Variants in ERCC6L2 observed in about 807,000 individuals in gnomAD.
ERCC6L2 encodes DNA excision repair protein ERCC-6-like 2.
Under a neutral mutation model 132.0 loss-of-function variants are expected in ERCC6L2, and 77 were observed. That is an observed-to-expected ratio of 0.58 (90% CI 0.49 to 0.71). The LOEUF (loss-of-function observed/expected upper bound fraction) is 0.71, where lower values mean the gene tolerates loss of function less well. ERCC6L2 is among the 30% of genes least tolerant of loss of function. The pLI is 0.00. For synonymous variants in ERCC6L2, 583 were observed against 632.4 expected, an observed-to-expected ratio of 0.92 and a Z score of 1.17; for missense variants, 1,542 against 1,837.6, an observed-to-expected ratio of 0.84 and a Z score of 2.94.
intron 11 of ERCC6L2, among the ~76,000 whole-genome samples, chr9:95,933,615 C>T (rs115929038): frequency 9.1e-4 from 138 of 152,220 alleles, no homozygotes; most frequent in Middle Eastern, 3.4e-3. Flanking sequence ...AAGGCCAAAA[C>T]GGATGGATCA....
intron 16 of ERCC6L2, among the ~76,000 whole-genome samples, chr9:95,973,880 A>G (rs1832544594): frequency 6.6e-6 from 1 of 152,176 alleles, no homozygotes; most frequent in Admixed American, 6.5e-5. Context: ...TAACTATGGA[A>G]GTACCTGGAC....
chr9:95,968,126 C>G (rs950913374), intron 14 of ERCC6L2: 2 of 152,088 alleles, frequency 1.3e-5, no homozygotes, highest in African/African-American at 4.8e-5. Flanking sequence ...AAGCAAGAGA[C>G]TTGTCTCAAA....
chr9:96,032,725 G>C (rs1043768052), intron 19 of ERCC6L2, among the ~76,000 whole-genome samples: 36 of 152,332 alleles, frequency 2.4e-4, no homozygotes, highest in African/African-American at 8.7e-4. Flanking sequence ...GCTTATGTGG[G>C]CCTAGAACGC....
At chr9:96,026,790 A>AG (rs2133258554) in intron 19 of ERCC6L2, among the ~76,000 whole-genome samples, 1 of 105,808 alleles carries the variant, frequency 9.5e-6, no homozygotes, top group African/African-American at 4.4e-5. Context: ...CACCACACAC[A>AG]CCCCACACAC....
chr9:95,882,433 T>C (rs867824360), intron 2 of ERCC6L2, among the ~76,000 whole-genome samples: 1 of 152,180 alleles, frequency 6.6e-6, no homozygotes, highest in South Asian at 2.1e-4. Flanking sequence ...CCAAGAAGAA[T>C]AGAGTTTTGA....
chr9:95,970,006 A>G (rs1225407914), intron 14 of ERCC6L2, among the ~76,000 whole-genome samples: 1 of 152,166 alleles, frequency 6.6e-6, no homozygotes, highest in African/African-American at 2.4e-5. Flanking sequence ...TAAAGTCCAA[A>G]TACTTTCCCA....
At chr9:96,003,784 A>G (rs535227473) in intron 17 of ERCC6L2, among the ~76,000 whole-genome samples, 2 of 152,128 alleles carry the variant, frequency 1.3e-5, no homozygotes, top group Non-Finnish European at 2.9e-5. Flanking sequence ...GCTCCAGTGT[A>G]ATTTTGTTGT....
chr9:95,891,216 T>C (rs1386101749), intron 2 of ERCC6L2, among the ~76,000 whole-genome samples: 1 of 152,030 alleles, frequency 6.6e-6, no homozygotes, highest in African/African-American at 2.4e-5. Flanking sequence ...TAACTCTGTC[T>C]CAAAAAAAAG....
chr9:95,979,517 G>C (rs1471724672), intron 17 of ERCC6L2, among the ~76,000 whole-genome samples: 1 of 152,098 alleles, frequency 6.6e-6, no homozygotes, highest in Non-Finnish European at 1.5e-5. Context: ...GGTGTTTTTT[G>C]GGGACCGCAG....
Position 95,907,089 on chromosome 9 carries a change from A to T in ERCC6L2, c.606A>T (p.Ile202=), listed in dbSNP as rs1427276373. The change falls in exon 4 of 19, where the codon ATA becomes ATT. Residue 202 remains isoleucine (I), a synonymous_variant. Coordinates refer to ENST00000653738, the MANE Select transcript of ERCC6L2 (RefSeq NM_020207.7). ...LSSTAKKMFL[I]VAPLSVLYNW... ...TATTCTTGTTTTAGATGTTCTTAAT[A>T]GTTGCTCCTCTTTCTGTCCTCTACA... 3 of 1,599,456 alleles carry T rather than the reference A, an allele frequency of 1.9e-6. No individual in the cohort carries two copies. In the African/African-American group the frequency reaches 4.1e-5, roughly 22 times the overall value.
At chr9:95,934,908 T>C (rs1830490621) in intron 11 of ERCC6L2, among the ~76,000 whole-genome samples, 1 of 152,184 alleles carries the variant, frequency 6.6e-6, no homozygotes, top group African/African-American at 2.4e-5. Context: ...ATGAGGACAT[T>C]TCTTTTGTTA....
intron 16 of ERCC6L2, among the ~76,000 whole-genome samples, chr9:95,975,224 C>T (rs1832612768): frequency 3.3e-5 from 5 of 152,162 alleles, no homozygotes; most frequent in Admixed American, 3.3e-4. Context: ...ACATTTCATG[C>T]TCCCCATCAG....
chr9:96,003,649 A>G lies in ERCC6L2; in HGVS notation c.3493-871A>G, dbSNP rs144733753. The stretch of plus-strand genomic sequence containing the variant: ...TAGACTATAGCACCCACATGGTGCT[A>G]TATTCCACATGGGTGCTGTAACTTA... On this transcript the variant is annotated intron_variant, in intron 17 of 18. Coordinates refer to ENST00000653738, the MANE Select transcript of ERCC6L2 (RefSeq NM_020207.7). Among the ~76,000 whole-genome samples the G allele has an allele frequency of 2.8e-4, 42 of 152,280 alleles. 1 individual carries two copies. The highest frequency in any genetic ancestry group is 7.5e-4 in the African/African-American group (31 of 41,562).
chr9:95,888,061 C>T, intron 2 of ERCC6L2, among the ~76,000 whole-genome samples: 1 of 126,074 alleles, frequency 7.9e-6, no homozygotes, highest in Non-Finnish European at 1.7e-5. Context: ...CAAAACAGCA[C>T]TTTGTGGTTT....
chr9:95,931,214 G>C (rs556526020), intron 11 of ERCC6L2, among the ~76,000 whole-genome samples: 10 of 151,770 alleles, frequency 6.6e-5, no homozygotes, highest in Non-Finnish European at 1.5e-4. Flanking sequence ...TGACTTTTTC[G>C]GTCTTTTCCC....
intron 19 of ERCC6L2, among the ~76,000 whole-genome samples, chr9:96,027,026 CCA>C (rs1253445775): frequency 6.9e-6 from 1 of 145,220 alleles, no homozygotes; most frequent in African/African-American, 2.5e-5. Flanking sequence ...ACCACATACC[CCA>C]CACACATACC....
rs372368563 is a variant in ERCC6L2 at position 96,029,144 on chromosome 9, A to C, written c.*1504-9732A>C. On this transcript the variant is annotated intron_variant and NMD_transcript_variant, in intron 19 of 20. Transcript: ENST00000670016. ...ATGGTGAAACCCCGTCTCTACTAAA[A>C]ATACAAAAAATTAGCCGGGCGTGGT... 7.4e-3 allele frequency among the ~76,000 whole-genome samples: 1,119 copies of C among 152,086 alleles called. 12 individuals carry two copies. Among genetic ancestry groups the C allele is most frequent in the African/African-American group, 0.026 (1,059 of 41,484 alleles).
At position 95,964,286 on chromosome 9, in the gene ERCC6L2, C is replaced by T. The variant is rs557283744; in HGVS notation, c.1948-2276C>T. ...AATATCACTATTTATTTGATGTTCA[C>T]ATTGTCTTATATTTGGCCAATGGGA... On this transcript the variant is annotated intron_variant, in intron 13 of 18. Transcript: ENST00000653738. Among the ~76,000 whole-genome samples the T allele has an allele frequency of 1.6e-4, 25 of 152,248 alleles. No homozygotes were observed. In the South Asian group the frequency reaches 3.7e-3, roughly 23 times the overall value.
At chr9:95,947,808 T>C (rs1459652363) in intron 12 of ERCC6L2, among the ~76,000 whole-genome samples, 1 of 152,206 alleles carries the variant, frequency 6.6e-6, no homozygotes, top group East Asian at 1.9e-4. Flanking sequence ...CAACAAAGCC[T>C]GGATAACAGC....
Sources: allele counts gnomAD v4.1 joint callset (sites outside exome capture counted in the v4.1 genomes callset), GRCh38; gene constraint gnomAD v4.1.1; transcripts MANE v1.5; gene names NCBI Gene and HGNC (gene_info 2026-07-23, HGNC 2026-07-21).